TBL1Y: variants seen among roughly 807,000 people sequenced by gnomAD.
TBL1Y encodes F-box-like/WD repeat-containing protein TBL1Y.
A neutral mutation model predicts 12.0 loss-of-function variants in TBL1Y; 15 were observed. The observed-to-expected ratio is 1.25, with a 90% confidence interval of 0.83 to 1.92. The LOEUF is 1.92. Ranked by LOEUF, TBL1Y falls within the 40% of genes most tolerant of loss-of-function variation. The pLI is 0.00. For synonymous variants in TBL1Y, 53 were observed against 42.6 expected (o/e 1.24, Z -0.95); for missense variants, 148 against 116.7 (o/e 1.27, Z -1.24).
At chrY:7,068,331 C>G (rs2013001361) in intron 8 of TBL1Y, among the ~76,000 whole-genome samples, 4 of 32,238 alleles carry the variant, frequency 1.2e-4, no homozygotes, top group Non-Finnish European at 2.3e-4. Flanking sequence ...ACAAAAAAAC[C>G]CCAAAATCAA....
intron 2 of TBL1Y, among the ~76,000 whole-genome samples, chrY:6,944,042 C>T (rs772144934): frequency 5.9e-5 from 2 of 33,969 alleles, no homozygotes; most frequent in South Asian, 6.8e-4. Context: ...TGTCTTTTTC[C>T]ACTCTGGTGC....
intron 8 of TBL1Y, 108 bp downstream of exon 8, chrY:7,064,257 T>G: frequency 4.2e-6 from 1 of 235,620 alleles, no homozygotes; most frequent in Non-Finnish European, 6.6e-6. Flanking sequence ...GATATAAATG[T>G]CTTAGTAGCT....
At chrY:6,991,645 C>G in intron 3 of TBL1Y, among the ~76,000 whole-genome samples, 1 of 33,245 alleles carries the variant, frequency 3.0e-5, no homozygotes, top group Non-Finnish European at 7.4e-5. Flanking sequence ...TTCTCCCTCA[C>G]CACCTTTAGA....
chrY:7,057,158 T>C, intron 7 of TBL1Y, among the ~76,000 whole-genome samples: 1 of 31,880 alleles, frequency 3.1e-5, no homozygotes, highest in Non-Finnish European at 7.6e-5. Context: ...GTAATTGGAT[T>C]GAGTCAGGGT....
intron 3 of TBL1Y, among the ~76,000 whole-genome samples, chrY:6,994,335 T>A (rs2012395529): frequency 3.0e-5 from 1 of 33,806 alleles, no homozygotes; most frequent in Non-Finnish European, 7.3e-5. Flanking sequence ...TATATCTTTC[T>A]CCTTTAAAAT....
At chrY:6,962,105 A>G (rs2012131673) in intron 2 of TBL1Y, among the ~76,000 whole-genome samples, 1 of 34,166 alleles carries the variant, frequency 2.9e-5, no homozygotes, top group African/African-American at 1.1e-4. Context: ...GCCATAATGC[A>G]TTAGGACATA....
At chrY:6,915,141 T>C in intron 2 of TBL1Y, among the ~76,000 whole-genome samples, 1 of 33,644 alleles carries the variant, frequency 3.0e-5, no homozygotes, top group African/African-American at 1.2e-4. Context: ...AAGGTGCTTC[T>C]GTCAGTAACA....
chrY:6,921,527 A>T (rs758344223), intron 2 of TBL1Y, among the ~76,000 whole-genome samples: 1 of 33,012 alleles, frequency 3.0e-5, no homozygotes, highest in African/African-American at 1.2e-4. Flanking sequence ...TAAAGAAAAT[A>T]TGAGAGTTTT....
chrY:7,017,579 T>G, intron 4 of TBL1Y, among the ~76,000 whole-genome samples: 3 of 34,410 alleles, frequency 8.7e-5, no homozygotes, highest in Non-Finnish European at 1.4e-4. Flanking sequence ...AGTCTCTCAG[T>G]GCTTTAGACC....
chrY:7,057,646 CCCCTG>C (rs2124169479), intron 7 of TBL1Y, among the ~76,000 whole-genome samples: 1 of 33,365 alleles, frequency 3.0e-5, no homozygotes, highest in South Asian at 6.9e-4. Context: ...GGGTCATTTA[CCCCTG>C]AGTTGCTGGC....
intron 17 of TBL1Y, among the ~76,000 whole-genome samples, chrY:7,088,953 G>A (rs1051832024): frequency 9.1e-5 from 3 of 33,127 alleles, no homozygotes; most frequent in African/African-American, 3.6e-4. Flanking sequence ...ATGAGTGAAG[G>A]CTTATATGAC....
At chrY:7,068,306 A>AAAAC (rs2124181627) in intron 8 of TBL1Y, among the ~76,000 whole-genome samples, 1 of 32,778 alleles carries the variant, frequency 3.1e-5, no homozygotes, top group Non-Finnish European at 7.5e-5. Context: ...CCATCTCAAA[A>AAAAC]AAACAAACAA....
intron 2 of TBL1Y, among the ~76,000 whole-genome samples, chrY:6,945,844 A>G: frequency 3.0e-5 from 1 of 33,794 alleles, no homozygotes; most frequent in Non-Finnish European, 7.3e-5. Context: ...CTTACCTTCC[A>G]TGGAAACCCA....
intron 2 of TBL1Y, among the ~76,000 whole-genome samples, chrY:6,929,369 G>A: frequency 3.0e-5 from 1 of 33,730 alleles, no homozygotes; most frequent in East Asian, 8.1e-4. Flanking sequence ...GGTGGCAAAG[G>A]CTGAGCATGT....
intron 13 of TBL1Y, among the ~76,000 whole-genome samples, chrY:7,078,451 C>G: frequency 5.9e-5 from 2 of 33,769 alleles, no homozygotes; most frequent in Non-Finnish European, 1.5e-4. Flanking sequence ...ATGGAGCCCA[C>G]TCAGTAGCTA....
At chrY:7,072,696 G>A in intron 12 of TBL1Y, among the ~76,000 whole-genome samples, 6 of 34,392 alleles carry the variant, frequency 1.7e-4, no homozygotes, top group African/African-American at 6.8e-4. Context: ...GCAGGTCTAC[G>A]GGGAGCCATG....
chrY:7,064,247 G>A, intron 8 of TBL1Y, 98 bp downstream of exon 8: 3 of 261,872 alleles, frequency 1.1e-5, no homozygotes, highest in Non-Finnish European at 1.7e-5. Flanking sequence ...AAACCTACCT[G>A]ATATAAATGT....
At chrY:6,916,708 C>T in intron 2 of TBL1Y, among the ~76,000 whole-genome samples, 1 of 32,613 alleles carries the variant, frequency 3.1e-5, no homozygotes, top group East Asian at 8.1e-4. Context: ...GCAACGAGAG[C>T]GAAATGCTGT....
At chrY:7,036,862 G>T (rs1044335537) in intron 6 of TBL1Y, among the ~76,000 whole-genome samples, 4 of 33,421 alleles carry the variant, frequency 1.2e-4, no homozygotes, top group Non-Finnish European at 2.9e-4. Context: ...GCTCACCCAG[G>T]CCTGCCGACC....
Sources: allele counts gnomAD v4.1 joint callset (sites outside exome capture counted in the v4.1 genomes callset), GRCh38; gene constraint gnomAD v4.1.1; transcripts MANE v1.5; gene names NCBI Gene and HGNC (gene_info 2026-07-23, HGNC 2026-07-21).